The following THSD4 variants were observed in gnomAD, a reference collection of about 807,000 sequenced individuals.
The protein encoded by THSD4 is thrombospondin type-1 domain-containing protein 4.
A neutral mutation model predicts 119.0 loss-of-function variants in THSD4; 69 were observed. That is an observed-to-expected ratio of 0.58 (90% CI 0.48 to 0.71). The LOEUF (loss-of-function observed/expected upper bound fraction) is 0.71. Among genes scored for constraint, THSD4 ranks in the 30% least tolerant of loss-of-function variants. The pLI, the probability that THSD4 is intolerant of heterozygous loss-of-function variation, is 0.00. For missense variants in THSD4, 1,393 were observed against 1,391.1 expected, an observed-to-expected ratio of 1.00 and a Z score of -0.02; for synonymous variants, 524 against 540.4, an observed-to-expected ratio of 0.97 and a Z score of 0.42.
intron 6 of THSD4, among the ~76,000 whole-genome samples, chr15:71,335,084 C>T (rs1366732988): frequency 3.3e-5 from 5 of 152,176 alleles, no homozygotes; most frequent in Admixed American, 2.6e-4. Context: ...GTGCTGCACT[C>T]ATCTGTGAAA....
At chr15:71,515,773 G>A (rs1190879274) in intron 7 of THSD4, among the ~76,000 whole-genome samples, 1 of 152,182 alleles carries the variant, frequency 6.6e-6, no homozygotes, top group Non-Finnish European at 1.5e-5. Flanking sequence ...GATTGTTCCA[G>A]GTTGCCTCGG....
At chr15:71,758,533 TAA>T (rs1460219168) in intron 15 of THSD4, among the ~76,000 whole-genome samples, 1 of 152,254 alleles carries the variant, frequency 6.6e-6, no homozygotes, top group Non-Finnish European at 1.5e-5. Context: ...GCAGAAATTT[TAA>T]AAGTTGGAAT....
chr15:71,228,420 T>G (rs988789072), intron 4 of THSD4, among the ~76,000 whole-genome samples: 6 of 152,286 alleles, frequency 3.9e-5, no homozygotes, highest in African/African-American at 1.4e-4. Context: ...CTAGTGATGC[T>G]GATTTTAAAT....
intron 7 of THSD4, among the ~76,000 whole-genome samples, chr15:71,574,665 TTGTC>T (rs1225623053): frequency 1.4e-4 from 22 of 152,146 alleles, no homozygotes; most frequent in Admixed American, 1.4e-3. Context: ...AGCAGTCCGT[TTGTC>T]TGTCTGAGCC....
chr15:71,546,993 G>A (rs1409760335), intron 7 of THSD4, among the ~76,000 whole-genome samples: 2 of 152,216 alleles, frequency 1.3e-5, no homozygotes, highest in African/African-American at 4.8e-5. Context: ...TCATCCTGCT[G>A]CAATTCACTG....
intron 7 of THSD4, among the ~76,000 whole-genome samples, chr15:71,531,280 A>G (rs2048606328): frequency 6.6e-6 from 1 of 152,176 alleles, no homozygotes; most frequent in South Asian, 2.1e-4. Flanking sequence ...CGCCTGAAGT[A>G]ATAAAAGAAT....
intron 7 of THSD4, among the ~76,000 whole-genome samples, chr15:71,562,987 G>T (rs1450010594): frequency 6.6e-6 from 1 of 152,096 alleles, no homozygotes; most frequent in Non-Finnish European, 1.5e-5. Flanking sequence ...GTCTTTAAAT[G>T]CCCTTTGCTG....
rs140840698 is a variant in THSD4 at position 71,341,689 on chromosome 15, C to G, written c.1016-69998C>G. The G allele has an allele frequency of 5.1e-4, 675 of 1,335,004 alleles. 4 individuals are homozygous for G. The African/African-American group carries it at 7.0e-3, about 14-fold the overall frequency. 82.7% of individuals were successfully genotyped at this position (1,335,004 alleles called of 1,614,324 possible). On this transcript the variant is annotated intron_variant, in intron 6 of 17. Transcript: ENST00000261862. ...ATTTGCCTGATTTCGTGGGGTTCTCCGGGTCAAGTGAATAGCGAACCATTT... is the reference window on the plus strand; with the variant it reads ...ATTTGCCTGATTTCGTGGGGTTCTCGGGGTCAAGTGAATAGCGAACCATTT...
intron 11 of THSD4, among the ~76,000 whole-genome samples, chr15:71,742,783 C>T (rs566396709): frequency 6.6e-6 from 1 of 152,200 alleles, no homozygotes; most frequent in Non-Finnish European, 1.5e-5. Flanking sequence ...GGTCAGGCGC[C>T]GTGGCTTATG....
At chr15:71,098,102 T>A (rs1184414400) in intron 1 of THSD4, among the ~76,000 whole-genome samples, 2 of 152,076 alleles carry the variant, frequency 1.3e-5, no homozygotes, top group African/African-American at 4.8e-5. Context: ...AAGGCAGTGC[T>A]GCTTTTATAG....
At position 71,532,284 on chromosome 15, in the gene THSD4, G is replaced by GAGAGAGAGAGAGAGTGTC. The variant is rs57251269; in HGVS notation, c.1152+120461_1152+120462insAGAGAGAGAGAGAGTGTC. On this transcript the variant is annotated intron_variant, in intron 7 of 17. Transcript: ENST00000261862. ...AGGGTGAGAGAGAGAGAGAGAGAGAGTGTGTGTGTGTGTGTGTGTGTGTGT... is the reference window on the plus strand; with the variant it reads ...AGGGTGAGAGAGAGAGAGAGAGAGAGAGAGAGAGAGAGAGTGTCTGTGTGTGTGTGTGTGTGTGTGTGT... Among the ~76,000 whole-genome samples the GAGAGAGAGAGAGAGTGTC allele has an allele frequency of 9.4e-5, 4 of 42,582 alleles. No individual in the cohort carries two copies. In the East Asian group the frequency reaches 2.2e-3, roughly 24 times the overall value. The allele number at this position is 42,582 out of a possible 152,430, so 27.9% of individuals were successfully genotyped here.
rs140827478 is a variant in THSD4, at chr15:71,159,013, G to A, written c.99+4081G>A. Among the ~76,000 whole-genome samples, 8 of 152,266 alleles carry A rather than the reference G, an allele frequency of 5.3e-5. No homozygotes were observed. In the East Asian group the frequency reaches 1.5e-3, roughly 29 times the overall value. On this transcript the variant is annotated intron_variant, in intron 3 of 17. Transcript: ENST00000261862. ...ATCCATTTTCAGTTGATTTTAGTAG[G>A]TAGGGGTCTAGTCTCTTCTTCTCAG...
At chr15:71,698,794 T>C (rs577720701) in intron 8 of THSD4, among the ~76,000 whole-genome samples, 1 of 151,898 alleles carries the variant, frequency 6.6e-6, no homozygotes, top group Non-Finnish European at 1.5e-5. Context: ...AAGGACATTA[T>C]GCCAAGTGAA....
At chr15:71,511,263 T>C (rs983207495) in intron 7 of THSD4, among the ~76,000 whole-genome samples, 1 of 152,120 alleles carries the variant, frequency 6.6e-6, no homozygotes, top group African/African-American at 2.4e-5. Flanking sequence ...ACATTTGGTA[T>C]TGGACTGAGG....
At chr15:71,164,825 T>C in intron 3 of THSD4, 5 of 1,593,350 alleles carry the variant, frequency 3.1e-6, no homozygotes, top group Admixed American at 1.8e-5. Context: ...TTCCTCCTCC[T>C]CCTCATCCTC....
intron 7 of THSD4, among the ~76,000 whole-genome samples, chr15:71,431,674 A>G (rs963831418): frequency 6.6e-6 from 1 of 152,282 alleles, no homozygotes; most frequent in Middle Eastern, 3.4e-3. Context: ...TTACAGACAG[A>G]AACGTGGTCT....
intron 7 of THSD4, among the ~76,000 whole-genome samples, chr15:71,506,929 C>G (rs920768585): frequency 6.6e-6 from 1 of 152,204 alleles, no homozygotes; most frequent in African/African-American, 2.4e-5. Context: ...TTTGGTTCAT[C>G]TGTAAGTTTT....
intron 6 of THSD4, among the ~76,000 whole-genome samples, chr15:71,345,112 G>T (rs2045636471): frequency 6.7e-6 from 1 of 148,806 alleles, no homozygotes; most frequent in South Asian, 2.1e-4. Context: ...GTGTAGCCTG[G>T]GTCTGTGATA....
rs1185567642 is a variant in THSD4, at chr15:71,433,574, G to A, written c.1152+21751G>A. Among the ~76,000 whole-genome samples, 2 of 151,732 alleles carry A rather than the reference G, an allele frequency of 1.3e-5. 1 individual carries two copies. Among genetic ancestry groups the A allele is most frequent in the South Asian group, 4.1e-4 (2 of 4,824 alleles). On this transcript the variant is annotated intron_variant, in intron 7 of 17. Transcript: ENST00000261862. The stretch of plus-strand genomic sequence containing the variant: ...ATACTGGACATAGACACCCTCCCCA[G>A]TGTGTCCCCTGAGTCATCCTGGGTC...
Sources: gnomAD v4.1 joint callset for allele counts (sites outside exome capture counted in the v4.1 genomes callset) on GRCh38, gnomAD v4.1.1 for gene constraint, MANE v1.5 for transcripts, NCBI Gene and HGNC (gene_info 2026-07-23, HGNC 2026-07-21) for gene names.